Variants in MAF observed in about 807,000 individuals in gnomAD.
MAF encodes transcription factor Maf.
Under a neutral mutation model 22.0 loss-of-function variants are expected in MAF, and 10 were observed. The ratio of observed to expected loss-of-function variants is 0.45; its 90% CI spans 0.28 to 0.77. The LOEUF is 0.77. MAF is among the 30% of genes least tolerant of loss of function. The probability of loss-of-function intolerance (pLI) is 0.12; values close to 1 mark genes in which losing one functional copy is unlikely to be tolerated. For synonymous variants in MAF, 337 were observed against 255.8 expected (o/e 1.32, Z -3.03); for missense variants, 544 against 548.4 (o/e 0.99, Z 0.08).
the MAF span, among the ~76,000 whole-genome samples, chr16:79,237,239 T>A: frequency 1.3e-5 from 2 of 152,022 alleles, no homozygotes; most frequent in Non-Finnish European, 2.9e-5. Flanking sequence ...AAGACAAATA[T>A]CTCCCCAAGA....
the MAF span, among the ~76,000 whole-genome samples, chr16:79,334,266 G>A: frequency 3.3e-5 from 5 of 152,174 alleles, no homozygotes; most frequent in African/African-American, 7.2e-5. Context: ...GCACAGCGAC[G>A]GCAAAGAAGG....
chr16:79,226,050 A>T, the MAF span, among the ~76,000 whole-genome samples: 19 of 152,208 alleles, frequency 1.2e-4, no homozygotes, highest in African/African-American at 4.6e-4. Flanking sequence ...AAGGATTATA[A>T]ATCATTCTAC....
chr16:79,416,447 A>ATT, the MAF span, among the ~76,000 whole-genome samples: 4 of 151,734 alleles, frequency 2.6e-5, no homozygotes, highest in African/African-American at 9.7e-5. Context: ...CTTCACGGTG[A>ATT]TACACTACAT....
At chr16:79,559,560 T>G in the MAF span, among the ~76,000 whole-genome samples, 1 of 152,176 alleles carries the variant, frequency 6.6e-6, no homozygotes, top group Non-Finnish European at 1.5e-5. Flanking sequence ...AGCTTGAGGC[T>G]TCCACTGTTT....
the MAF span, among the ~76,000 whole-genome samples, chr16:79,351,649 A>AT: frequency 0.12 from 17,244 of 146,992 alleles, 2,303 homozygotes; most frequent in African/African-American, 0.33. Flanking sequence ...TTGGAAACAG[A>AT]TTTTTTTTTT....
At chr16:79,341,632 G>C in the MAF span, among the ~76,000 whole-genome samples, 2 of 152,256 alleles carry the variant, frequency 1.3e-5, no homozygotes, top group Middle Eastern at 6.8e-3. Flanking sequence ...ATTATTATTA[G>C]GTTGGCTATT....
the MAF span, among the ~76,000 whole-genome samples, chr16:79,397,899 A>T: frequency 4.6e-5 from 7 of 152,344 alleles, no homozygotes; most frequent in South Asian, 1.4e-3. Context: ...AATAGGCCTG[A>T]TTCTGGAGAG....
chr16:79,411,715 A>G, the MAF span, among the ~76,000 whole-genome samples: 1 of 152,206 alleles, frequency 6.6e-6, no homozygotes, highest in African/African-American at 2.4e-5. Flanking sequence ...AACTTTCTAG[A>G]CACACCATGA....
chr16:79,400,375 A>T, the MAF span, among the ~76,000 whole-genome samples: 1 of 152,248 alleles, frequency 6.6e-6, no homozygotes, highest in African/African-American at 2.4e-5. Flanking sequence ...CACTCTGCAC[A>T]GGTTCTTCTT....
At chr16:79,230,166 T>G in the MAF span, among the ~76,000 whole-genome samples, 2 of 152,134 alleles carry the variant, frequency 1.3e-5, no homozygotes, top group Non-Finnish European at 1.5e-5. Flanking sequence ...TTCTGGTTCT[T>G]ACACAGTTAA....
chr16:79,425,643 T>G, the MAF span, among the ~76,000 whole-genome samples: 6 of 151,320 alleles, frequency 4.0e-5, no homozygotes, highest in African/African-American at 1.5e-4. Context: ...CATCAATTCA[T>G]ATATGGAGCA....
chr16:79,212,273 G>C, the MAF span: 1 of 1,225,466 alleles, frequency 8.2e-7, no homozygotes, highest in Non-Finnish European at 1.1e-6. Context: ...CATTCATCCT[G>C]ACCAAGACTG....
the MAF span, among the ~76,000 whole-genome samples, chr16:79,308,411 G>A: frequency 1.3e-5 from 2 of 152,130 alleles, no homozygotes; most frequent in African/African-American, 4.8e-5. Context: ...TTAACAGCCT[G>A]TGTGGCTGCA....
the MAF span, among the ~76,000 whole-genome samples, chr16:79,576,364 G>T: frequency 4.0e-5 from 6 of 151,194 alleles, no homozygotes; most frequent in Non-Finnish European, 5.9e-5. Context: ...AAGTTTGAAA[G>T]ATACCATATA....
chr16:79,439,791 T>A, the MAF span, among the ~76,000 whole-genome samples: 1 of 152,178 alleles, frequency 6.6e-6, no homozygotes, highest in African/African-American at 2.4e-5. Flanking sequence ...GGATTCTGCA[T>A]AGGAGATGCC....
At chr16:79,459,157 G>C in the MAF span, among the ~76,000 whole-genome samples, 1 of 152,260 alleles carries the variant, frequency 6.6e-6, no homozygotes, top group Admixed American at 6.5e-5. Context: ...GTTGATCAGA[G>C]GCAGAGCTGG....
chr16:79,207,253 G>A, the MAF span, among the ~76,000 whole-genome samples: 1 of 152,350 alleles, frequency 6.6e-6, no homozygotes, highest in East Asian at 1.9e-4. Flanking sequence ...GGCTGGCTTT[G>A]CATTTGAGAA....
chr16:79,345,136 C>A, the MAF span, among the ~76,000 whole-genome samples: 1 of 152,194 alleles, frequency 6.6e-6, no homozygotes, highest in Non-Finnish European at 1.5e-5. Flanking sequence ...TTATTGTTTT[C>A]ACTTGTACCT....
At chr16:79,359,439 G>C in the MAF span, among the ~76,000 whole-genome samples, 1 of 152,296 alleles carries the variant, frequency 6.6e-6, no homozygotes, top group African/African-American at 2.4e-5. Flanking sequence ...TAGAAGATAA[G>C]ATAGTCTAAT....
Sources: allele counts gnomAD v4.1 joint callset (sites outside exome capture counted in the v4.1 genomes callset), GRCh38; gene constraint gnomAD v4.1.1; transcripts MANE v1.5; gene names NCBI Gene and HGNC (gene_info 2026-07-23, HGNC 2026-07-21).